Variants in ERICH1 observed in about 807,000 individuals in gnomAD.
The protein encoded by ERICH1 is glutamate rich 1.
A neutral mutation model predicts 39.6 loss-of-function variants in ERICH1; 56 were observed. That is an observed-to-expected ratio of 1.41 (90% CI 1.14 to 1.77). The LOEUF (loss-of-function observed/expected upper bound fraction) is 1.77. Ranked by LOEUF, ERICH1 falls within the 40% of genes most tolerant of loss-of-function variation. ERICH1 has a pLI of 0.00. For missense variants in ERICH1, 826 were observed against 575.4 expected (o/e 1.44, Z -4.45); for synonymous variants, 313 against 223.6 (o/e 1.40, Z -3.57).
intron 3 of ERICH1, among the ~76,000 whole-genome samples, chr8:637,136 C>T (rs971097377): frequency 1.3e-5 from 2 of 152,274 alleles, no homozygotes; most frequent in African/African-American, 4.8e-5. Context: ...TCTGCAGCCA[C>T]TGTGGCTTCT....
At chr8:715,632 A>G (rs1228204805) in intron 2 of ERICH1, among the ~76,000 whole-genome samples, 1 of 152,176 alleles carries the variant, frequency 6.6e-6, no homozygotes, top group Non-Finnish European at 1.5e-5. Context: ...CACACAAGTA[A>G]ATGACCCCAA....
chr8:708,701 T>TTTTG (rs1563319775), intron 2 of ERICH1, among the ~76,000 whole-genome samples: 8 of 136,572 alleles, frequency 5.9e-5, no homozygotes, highest in Non-Finnish European at 9.5e-5. Context: ...TTTTTTTTTT[T>TTTTG]TTTTTTTTTT....
chr8:663,001 C>T (rs925975230), downstream of ERICH1, among the ~76,000 whole-genome samples: 2 of 152,256 alleles, frequency 1.3e-5, no homozygotes, highest in African/African-American at 4.8e-5. Context: ...GAGCAGCCTG[C>T]GTCCTGTCCT....
chr8:685,693 G>A (rs745327323), intron 3 of ERICH1, among the ~76,000 whole-genome samples: 3 of 152,094 alleles, frequency 2.0e-5, no homozygotes, highest in East Asian at 3.8e-4. Flanking sequence ...CCCTCCGTTC[G>A]GGGTCCCTGA....
intron 5 of ERICH1, chr8:668,090 C>T (rs1405757079): frequency 1.1e-5 from 2 of 189,546 alleles, no homozygotes; most frequent in Non-Finnish European, 2.2e-5. Context: ...GCCTGAATAC[C>T]CTCACCACAG....
chr8:674,872 G>C (rs1412468709), intron 3 of ERICH1, among the ~76,000 whole-genome samples: 4 of 152,170 alleles, frequency 2.6e-5, no homozygotes, highest in Non-Finnish European at 5.9e-5. Flanking sequence ...CTGGTAAATG[G>C]CTAATAACCA....
chr8:664,938 T>A (rs1036211272), intron 5 of ERICH1, among the ~76,000 whole-genome samples: 1 of 152,238 alleles, frequency 6.6e-6, no homozygotes, highest in Non-Finnish European at 1.5e-5. Context: ...TCACTGGCTC[T>A]ATTACACCTT....
intron 2 of ERICH1, among the ~76,000 whole-genome samples, chr8:700,487 G>GACCC (rs1811816426): frequency 2.2e-5 from 3 of 134,602 alleles, no homozygotes; most frequent in African/African-American, 8.3e-5. Context: ...CAGGCGCACA[G>GACCC]GCCCGCACAC....
intron 3 of ERICH1, among the ~76,000 whole-genome samples, chr8:651,004 C>T (rs1585041815): frequency 6.6e-6 from 1 of 152,208 alleles, no homozygotes; most frequent in Non-Finnish European, 1.5e-5. Context: ...GAACACCCCT[C>T]GTTCGTCCAC....
At chr8:686,660 G>C (rs1372156776) in intron 3 of ERICH1, 1 of 152,252 alleles carries the variant, frequency 6.6e-6, no homozygotes, top group African/African-American at 2.4e-5. Flanking sequence ...AACCATCACA[G>C]CCTTTTCTGA....
intron 3 of ERICH1, among the ~76,000 whole-genome samples, chr8:619,040 TGA>T (rs971544203): frequency 2.6e-5 from 4 of 152,126 alleles, no homozygotes; most frequent in African/African-American, 4.8e-5. Flanking sequence ...GTAACAACAG[TGA>T]GAGTCTGTGG....
chr8:651,693 G>C (rs1799966794), intron 3 of ERICH1, among the ~76,000 whole-genome samples: 1 of 141,582 alleles, frequency 7.1e-6, no homozygotes. Context: ...AGAAGACTGA[G>C]GGGAGAGAGA....
At chr8:704,174 C>A (rs930330841) in intron 2 of ERICH1, among the ~76,000 whole-genome samples, 3 of 152,192 alleles carry the variant, frequency 2.0e-5, no homozygotes, top group African/African-American at 7.2e-5. Context: ...CCTTCAAGAT[C>A]TCTAAAATAT....
chr8:700,091 G>A (rs1180908357), intron 2 of ERICH1, among the ~76,000 whole-genome samples: 3 of 127,006 alleles, frequency 2.4e-5, no homozygotes, highest in Non-Finnish European at 4.9e-5. Flanking sequence ...ACCCGCACAC[G>A]CGCACAGACC....
chr8:712,074 G>T (rs750453227), intron 2 of ERICH1, among the ~76,000 whole-genome samples: 6 of 152,206 alleles, frequency 3.9e-5, no homozygotes, highest in Non-Finnish European at 7.4e-5. Context: ...TTGAAGTCAT[G>T]TAATGCCAGT....
intron 3 of ERICH1, chr8:616,432 C>CTG (rs1554475879): frequency 5.8e-5 from 25 of 432,588 alleles, no homozygotes; most frequent in South Asian, 2.3e-4. Flanking sequence ...CCCGCACACC[C>CTG]CATGCTCTCC....
intron 3 of ERICH1, among the ~76,000 whole-genome samples, chr8:640,355 T>C (rs1174650771): frequency 6.6e-6 from 1 of 152,208 alleles, no homozygotes; most frequent in Non-Finnish European, 1.5e-5. Context: ...TCCGCCTGCT[T>C]ATGTTTTTTT....
intron 4 of ERICH1, among the ~76,000 whole-genome samples, chr8:671,086 G>T (rs1024899594): frequency 5.3e-5 from 8 of 150,662 alleles, no homozygotes; most frequent in African/African-American, 2.0e-4. Context: ...TGCCAGCCCC[G>T]GCTCTAATGT....
At chr8:708,053 A>G (rs1411012364) in intron 2 of ERICH1, among the ~76,000 whole-genome samples, 1 of 152,164 alleles carries the variant, frequency 6.6e-6, no homozygotes, top group Middle Eastern at 3.2e-3. Flanking sequence ...CAACATTCTC[A>G]GTCATCAGAA....
Sources: gnomAD v4.1 joint callset for allele counts (sites outside exome capture counted in the v4.1 genomes callset) on GRCh38, gnomAD v4.1.1 for gene constraint, MANE v1.5 for transcripts, NCBI Gene and HGNC (gene_info 2026-07-23, HGNC 2026-07-21) for gene names.